Variants in TMBIM1 observed in about 807,000 individuals in gnomAD.
TMBIM1 encodes transmembrane BAX inhibitor motif containing 1, also known as protein lifeguard 3.
In TMBIM1, 34 loss-of-function variants were observed where a neutral mutation model predicts 45.1. The observed-to-expected ratio is 0.75, with a 90% confidence interval of 0.57 to 1.00. The LOEUF (loss-of-function observed/expected upper bound fraction) is 1.00, where lower values mean the gene tolerates loss of function less well. Among genes scored for constraint, TMBIM1 ranks in the 50% least tolerant of loss-of-function variants. The pLI is 0.00. For missense variants in TMBIM1, 374 were observed against 402.4 expected, an observed-to-expected ratio of 0.93 and a Z score of 0.60; for synonymous variants, 157 against 153.5, an observed-to-expected ratio of 1.02 and a Z score of -0.17.
At position 218,275,314 on chromosome 2, in the gene TMBIM1, TC is replaced by T. The variant is rs1347149306; in HGVS notation, c.*160del. ...TCCGTCCCCACCAAGTACCCACACA[TC>T]CATAGCCAGAGAGGCCACCTGTCTC... On this transcript the variant is annotated 3_prime_UTR_variant, in exon 12 of 12. Coordinates refer to ENST00000258412, the MANE Select transcript of TMBIM1 (RefSeq NM_022152.6). 1 of 925,558 alleles carries T rather than the reference TC, an allele frequency of 1.1e-6. No homozygotes were observed. Among genetic ancestry groups the T allele is most frequent in the African/African-American group, 1.7e-5 (1 of 58,812 alleles). The allele number at this position is 925,558 out of a possible 1,614,324, so 57.3% of individuals were successfully genotyped here.
chr2:218,292,180 C>A (rs1355652955), intron 1 of TMBIM1, among the ~76,000 whole-genome samples: 1 of 152,214 alleles, frequency 6.6e-6, no homozygotes, highest in Non-Finnish European at 1.5e-5. Context: ...CGAGGACACC[C>A]CCAGACCCTG....
In TMBIM1 at chr2:218,278,472, A is replaced by G. The variant is rs200923132; in HGVS notation, c.473+43T>C. On this transcript the variant is annotated intron_variant, in intron 6 of 11. Transcript: ENST00000258412. Reference sequence around the variant, plus strand: ...TCCAAAATACTCGGCCCCCATCCCAATCCCTGTCACCCCTCTCACTGTGTT... The same window carrying G: ...TCCAAAATACTCGGCCCCCATCCCAGTCCCTGTCACCCCTCTCACTGTGTT... The G allele has an allele frequency of 4.9e-4, 779 of 1,600,310 alleles. 3 individuals carry two copies. The highest frequency in any genetic ancestry group is 2.2e-3 in the Middle Eastern group (13 of 6,020).
chr2:218,279,546 G>A, intron 3 of TMBIM1, 193 bp from the exon 4 acceptor site: 2 of 539,840 alleles, frequency 3.7e-6, no homozygotes, highest in East Asian at 3.1e-5. Context: ...CATGCTCCCT[G>A]CCATCTCCCC....
rs756406694 is a variant in TMBIM1, at chr2:218,282,055, TGG to T, written c.85_86del (p.Pro29IlefsTer45). The T allele has an allele frequency of 1.3e-6, 2 of 1,593,528 alleles. No individual in the cohort carries two copies. Among genetic ancestry groups the T allele is most frequent in the Non-Finnish European group, 1.7e-6 (2 of 1,169,260 alleles). ...CAGGATACCCTCCTGGCAGGACAGA[TGG>T]CTGCCCATAGCCCCCAGGGGGCGGA... ...GPPPPGGYGQ[P>X]SVLPGGYPAY... is the part of the protein sequence containing the mutation. On this transcript the variant is annotated frameshift_variant, in exon 2 of 12. Coordinates refer to ENST00000258412, the MANE Select transcript of TMBIM1 (RefSeq NM_022152.6). LOFTEE classifies it high-confidence loss of function.
rs1318799737 is a variant in TMBIM1 at position 218,282,129 on chromosome 2, T to G, written c.13A>C (p.Ser5Arg). The G allele has an allele frequency of 9.3e-6, 14 of 1,512,992 alleles. No homozygotes were observed. Among genetic ancestry groups the G allele is most frequent in the East Asian group, 2.5e-5 (1 of 39,972 alleles). 93.7% of individuals were successfully genotyped at this position (1,512,992 alleles called of 1,614,324 possible). MSNPSAPPPYEDRNP... is the reference protein window; with the variant it reads MSNPRAPPPYEDRNP... The stretch of plus-strand genomic sequence containing the variant: ...CGGTCTTCATATGGTGGTGGGGCGC[T>G]GGGGTTGGACATGGCTGCTCACGGG... The change falls in exon 2 of 12, where the codon AGC (serine) becomes CGC (arginine). Residue 5 changes from serine to arginine, a missense_variant. Physicochemically the swap from Ser to Arg is moderately radical, Grantham distance 110. Coordinates refer to ENST00000258412, the MANE Select transcript of TMBIM1 (RefSeq NM_022152.6).
At chr2:218,290,948 C>T (rs956339924) in intron 1 of TMBIM1, among the ~76,000 whole-genome samples, 2 of 152,170 alleles carry the variant, frequency 1.3e-5, no homozygotes, top group Non-Finnish European at 2.9e-5. Flanking sequence ...ACTCTCTGGT[C>T]GTCCCAGTTC....
At chr2:218,278,420 T>G in intron 6 of TMBIM1, 95 bp downstream of exon 6, 1 of 1,273,486 alleles carries the variant, frequency 7.9e-7, no homozygotes, top group Non-Finnish European at 1.1e-6. Flanking sequence ...TAAGTTTCCA[T>G]TCAGCTGCTA....
intron 11 of TMBIM1, 139 bp downstream of exon 11, chr2:218,275,887 A>G (rs1481004073): frequency 9.2e-7 from 1 of 1,082,410 alleles, no homozygotes; most frequent in Non-Finnish European, 1.3e-6. Context: ...AATCAATGGA[A>G]TCTCTGGACA....
At chr2:218,287,040 G>C (rs1692578088) in intron 1 of TMBIM1, among the ~76,000 whole-genome samples, 1 of 152,100 alleles carries the variant, frequency 6.6e-6, no homozygotes, top group Non-Finnish European at 1.5e-5. Context: ...TGAGTAAAAA[G>C]ATACACCCAG....
At chr2:218,283,228 A>G (rs1437612830) in intron 1 of TMBIM1, among the ~76,000 whole-genome samples, 1 of 152,242 alleles carries the variant, frequency 6.6e-6, no homozygotes, top group Non-Finnish European at 1.5e-5. Flanking sequence ...CAGGGCCATA[A>G]GCCCCAAATG....
At chr2:218,277,773 C>T in intron 7 of TMBIM1, 103 bp from the exon 8 acceptor site, 2 of 1,556,560 alleles carry the variant, frequency 1.3e-6, no homozygotes, top group Non-Finnish European at 1.8e-6. Flanking sequence ...GGGAACGCCA[C>T]CAAGTTGGAA....
intron 1 of TMBIM1, 146 bp downstream of exon 1, chr2:218,292,320 G>A (rs1454788105): frequency 1.3e-5 from 2 of 152,196 alleles, no homozygotes; most frequent in African/African-American, 4.8e-5. Context: ...ATCCCCATCT[G>A]GAACGGGCTC....
At chr2:218,288,955 G>A (rs1367865601) in intron 1 of TMBIM1, among the ~76,000 whole-genome samples, 2 of 152,116 alleles carry the variant, frequency 1.3e-5, no homozygotes, top group Non-Finnish European at 2.9e-5. Context: ...TGAGATAACT[G>A]AAATTCAGAA....
In TMBIM1 at chr2:218,275,327, A is replaced by T. The variant is rs1222988067; in HGVS notation, c.*148T>A. On this transcript the variant is annotated 3_prime_UTR_variant, in exon 12 of 12. Coordinates refer to ENST00000258412, the MANE Select transcript of TMBIM1 (RefSeq NM_022152.6). ...AGTACCCACACATCCATAGCCAGAG[A>T]GGCCACCTGTCTCCAGGACAGAAAG... The T allele has an allele frequency of 9.3e-7, 1 of 1,073,246 alleles. No homozygotes were observed. The highest frequency in any genetic ancestry group is 2.9e-5 in the Admixed American group (1 of 34,076). The allele number at this position is 1,073,246 out of a possible 1,614,324, so 66.5% of individuals were successfully genotyped here.
chr2:218,277,815 G>C (rs1179689474), intron 7 of TMBIM1, 120 bp downstream of exon 7: 1 of 1,540,744 alleles, frequency 6.5e-7, no homozygotes, highest in Non-Finnish European at 8.9e-7. Flanking sequence ...CAGAACAGGC[G>C]GCCCAGATAA....
intron 1 of TMBIM1, among the ~76,000 whole-genome samples, chr2:218,291,412 G>C (rs1184888290): frequency 1.3e-5 from 2 of 152,184 alleles, no homozygotes; most frequent in African/African-American, 4.8e-5. Flanking sequence ...CCAGCCCAAA[G>C]TCGCCAGCTT....
chr2:218,291,874 G>A (rs550997779), intron 1 of TMBIM1, among the ~76,000 whole-genome samples: 72 of 152,260 alleles, frequency 4.7e-4, no homozygotes, highest in African/African-American at 1.6e-3. Context: ...GGTGATAGAG[G>A]TGGCCACTTC....
intron 2 of TMBIM1, among the ~76,000 whole-genome samples, chr2:218,281,409 T>A (rs1287318646): frequency 1.3e-5 from 2 of 152,198 alleles, no homozygotes; most frequent in Non-Finnish European, 2.9e-5. Flanking sequence ...AGTGCTGGGA[T>A]TACAGGCGTG....
intron 2 of TMBIM1, among the ~76,000 whole-genome samples, chr2:218,281,438 CA>C (rs1691981502): frequency 6.6e-6 from 1 of 152,214 alleles, no homozygotes; most frequent in African/African-American, 2.4e-5. Flanking sequence ...CGGCCGGCCT[CA>C]CCTCATTTCT....
Sources: allele counts gnomAD v4.1 joint callset (sites outside exome capture counted in the v4.1 genomes callset), GRCh38; gene constraint gnomAD v4.1.1; transcripts MANE v1.5; gene names NCBI Gene and HGNC (gene_info 2026-07-23, HGNC 2026-07-21).